PTPN3: variants seen among roughly 807,000 people sequenced by gnomAD.
The protein encoded by PTPN3 is tyrosine-protein phosphatase non-receptor type 3.
In PTPN3, 96 loss-of-function variants were observed where a neutral mutation model predicts 132.7. The ratio of observed to expected loss-of-function variants is 0.72; its 90% CI spans 0.61 to 0.86. The LOEUF (loss-of-function observed/expected upper bound fraction) is 0.86. Among genes scored for constraint, PTPN3 ranks in the 40% least tolerant of loss-of-function variants. The pLI is 0.00. For synonymous variants in PTPN3, 398 were observed against 429.0 expected (o/e 0.93, Z 0.89); for missense variants, 1,125 against 1,159.6 (o/e 0.97, Z 0.43).
At chr9:109,484,198 G>A (rs1446485916) in intron 1 of PTPN3, among the ~76,000 whole-genome samples, 2 of 152,170 alleles carry the variant, frequency 1.3e-5, no homozygotes, top group African/African-American at 4.8e-5. Flanking sequence ...CTCAAGCTGT[G>A]GACACATGTC....
At chr9:109,519,600 G>A in the PTPN3 span, among the ~76,000 whole-genome samples, 3 of 152,168 alleles carry the variant, frequency 2.0e-5, no homozygotes, top group East Asian at 1.9e-4. Context: ...ACATGGTAGC[G>A]TTGGGACTTG....
the PTPN3 span, among the ~76,000 whole-genome samples, chr9:109,519,782 G>A: frequency 1.3e-5 from 2 of 152,164 alleles, no homozygotes; most frequent in Admixed American, 6.6e-5. Flanking sequence ...TTGCATCAAC[G>A]CACTTAACCC....
At chr9:109,514,746 ATGGAC>A in the PTPN3 span, among the ~76,000 whole-genome samples, 6 of 152,072 alleles carry the variant, frequency 3.9e-5, no homozygotes, top group Non-Finnish European at 5.9e-5. Context: ...CTGGAGGTAG[ATGGAC>A]TTCCCCCTGC....
intron 14 of PTPN3, chr9:109,417,813 GA>G (rs1244050493): frequency 2.7e-5 from 26 of 977,720 alleles, no homozygotes; most frequent in South Asian, 4.7e-5. Flanking sequence ...GCCTGCCTTT[GA>G]ACCACTGTTA....
rs143895879 is a variant in PTPN3, at chr9:109,393,040, C to T, written c.1954-1479G>A. Reference sequence around the variant, plus strand: ...TATGTTCTATGAATCTCTAACAGGACAAGTCCTGCAATGCATAATGCATAC... The same window carrying T: ...TATGTTCTATGAATCTCTAACAGGATAAGTCCTGCAATGCATAATGCATAC... On this transcript the variant is annotated intron_variant, in intron 19 of 25. Transcript: ENST00000374541. The T allele has an allele frequency of 2.6e-5, 4 of 152,300 alleles. No homozygotes were observed. In the East Asian group the frequency reaches 7.7e-4, roughly 29 times the overall value. The allele number at this position is 152,300 out of a possible 1,614,324, so 9.4% of individuals were successfully genotyped here.
At chr9:109,415,830 C>T (rs1842446760) in intron 14 of PTPN3, among the ~76,000 whole-genome samples, 1 of 152,160 alleles carries the variant, frequency 6.6e-6, no homozygotes, top group Non-Finnish European at 1.5e-5. Context: ...CTTACCAAGA[C>T]ACAGGAACAG....
chr9:109,447,403 C>T (rs990631738), intron 6 of PTPN3, among the ~76,000 whole-genome samples: 11 of 151,982 alleles, frequency 7.2e-5, no homozygotes, highest in African/African-American at 2.2e-4. Flanking sequence ...TAATTTCAAC[C>T]TTGAGTTACC....
intron 1 of PTPN3, among the ~76,000 whole-genome samples, chr9:109,470,323 T>G (rs7020624): frequency 0.21 from 32,282 of 152,056 alleles, 3,751 homozygotes; most frequent in Admixed American, 0.31. Flanking sequence ...GGGCCAACCA[T>G]GGCCCCAACA....
chr9:109,422,638 T>A, intron 13 of PTPN3, 80 bp downstream of exon 13: 4 of 1,441,876 alleles, frequency 2.8e-6, no homozygotes, highest in Non-Finnish European at 3.7e-6. Flanking sequence ...TTTAGGAGTT[T>A]ATAAGTTGAG....
chr9:109,438,082 T>C (rs776495841), intron 8 of PTPN3, 32 bp downstream of exon 8: 1 of 1,590,828 alleles, frequency 6.3e-7, no homozygotes, highest in Admixed American at 1.8e-5. Context: ...CCAACCCAAG[T>C]CCCCAAAGTA....
the PTPN3 span, among the ~76,000 whole-genome samples, chr9:109,505,487 C>T: frequency 2.0e-5 from 3 of 152,086 alleles, no homozygotes; most frequent in Non-Finnish European, 1.5e-5. Context: ...CTATTTTGGC[C>T]AGGCTGGTCT....
In PTPN3 at chr9:109,438,159, T is replaced by C; in HGVS notation, c.542A>G (p.Asn181Ser). 6.2e-7 allele frequency: 1 copy of C among 1,614,046 alleles called. No homozygotes were observed. Among genetic ancestry groups the C allele is most frequent in the South Asian group, 1.1e-5 (1 of 91,046 alleles). The part of the protein sequence containing the change: ...LSDSHFIPDQ[N>S]EDFLTKVESL... ...TTCGACTTTTGTTAAAAAGTCCTCA[T>C]TTTGATCGGGTATAAAGTGACTATC... Residue 181 changes from asparagine to serine, a missense_variant, in exon 8 of 26, where the codon AAT becomes AGT. Transcript: ENST00000374541.
intron 22 of PTPN3, among the ~76,000 whole-genome samples, chr9:109,386,994 G>A (rs866504460): frequency 3.9e-5 from 6 of 152,190 alleles, no homozygotes; most frequent in Admixed American, 2.0e-4. Context: ...GCGGCAGACC[G>A]TGGTGAGTGG....
At chr9:109,474,109 T>C (rs1319600309) in intron 1 of PTPN3, among the ~76,000 whole-genome samples, 3 of 152,142 alleles carry the variant, frequency 2.0e-5, no homozygotes, top group East Asian at 1.9e-4. Context: ...CTTTCCCCAC[T>C]GCGCGCCACC....
chr9:109,408,401 C>CT, intron 16 of PTPN3, 24 bp from the exon 17 acceptor site: 12 of 1,552,630 alleles, frequency 7.7e-6, no homozygotes, highest in Non-Finnish European at 1.0e-5. Flanking sequence ...AAAATAAAAA[C>CT]AAAACAAAGT....
At chr9:109,432,792 A>G (rs1374653835) in intron 10 of PTPN3, among the ~76,000 whole-genome samples, 1 of 152,170 alleles carries the variant, frequency 6.6e-6, no homozygotes. Context: ...GCCCAGGAAA[A>G]ATTCCTTAAT....
At chr9:109,394,748 T>C (rs1564386393) in intron 19 of PTPN3, among the ~76,000 whole-genome samples, 2 of 152,222 alleles carry the variant, frequency 1.3e-5, no homozygotes, top group Non-Finnish European at 2.9e-5. Flanking sequence ...AGACACAATC[T>C]TGTGTGTGTA....
In PTPN3 at chr9:109,391,544, C is replaced by T. The variant is rs765347988; in HGVS notation, c.1971G>A (p.Lys657=). ...TTGCAAACGTGATGGCCAAACCTGG[C>T]TTTTTTCTGTAGAGTTGCTATGTGA... ...LIQFEQLYRK[K]PGLAITFAKL... is the part of the protein sequence containing the mutation. The change falls in exon 20 of 26, where the codon AAG becomes AAA. Residue 657 remains lysine (K), a synonymous_variant. Coordinates refer to ENST00000374541, the MANE Select transcript of PTPN3 (RefSeq NM_002829.4). 8.2e-5 allele frequency: 133 copies of T among 1,613,562 alleles called. No homozygotes were observed. Among genetic ancestry groups the T allele is most frequent in the Non-Finnish European group, 1.1e-4 (125 of 1,179,734 alleles).
intron 4 of PTPN3, among the ~76,000 whole-genome samples, chr9:109,456,892 C>T (rs546149163): frequency 1.3e-5 from 2 of 152,308 alleles, no homozygotes; most frequent in East Asian, 1.9e-4. Context: ...ATCCTCCTTC[C>T]TTTTCCTTCC....
Sources: allele counts gnomAD v4.1 joint callset (sites outside exome capture counted in the v4.1 genomes callset), GRCh38; gene constraint gnomAD v4.1.1; transcripts MANE v1.5; gene names NCBI Gene and HGNC (gene_info 2026-07-23, HGNC 2026-07-21).